Variants in CUX2 observed in about 807,000 individuals in gnomAD.
The protein encoded by CUX2 is cut like homeobox 2.
Under a neutral mutation model 144.8 loss-of-function variants are expected in CUX2, and 40 were observed. The ratio of observed to expected loss-of-function variants is 0.28; its 90% CI spans 0.21 to 0.36. The LOEUF is 0.36. Ranked by LOEUF, CUX2 falls within the 10% of genes least tolerant of loss-of-function variation. The probability of loss-of-function intolerance (pLI) is 1.00; values close to 1 mark genes in which losing one functional copy is unlikely to be tolerated. For synonymous variants in CUX2, 827 were observed against 875.6 expected, an observed-to-expected ratio of 0.94 and a Z score of 0.98; for missense variants, 1,615 against 1,994.0, an observed-to-expected ratio of 0.81 and a Z score of 3.62.
At chr12:111,100,175 C>T in intron 1 of CUX2, 1 of 413,724 alleles carries the variant, frequency 2.4e-6, no homozygotes, top group Non-Finnish European at 4.8e-6. Context: ...GAGCAGGAGC[C>T]TGTGACTGTG....
At chr12:111,152,477 G>T (rs1393295272) in intron 1 of CUX2, among the ~76,000 whole-genome samples, 3 of 152,086 alleles carry the variant, frequency 2.0e-5, no homozygotes, top group Non-Finnish European at 4.4e-5. Flanking sequence ...ACCACCATTG[G>T]CCTTGTGTTG....
At chr12:111,173,625 C>T (rs777742678) in intron 1 of CUX2, among the ~76,000 whole-genome samples, 4 of 152,122 alleles carry the variant, frequency 2.6e-5, no homozygotes, top group Non-Finnish European at 4.4e-5. Context: ...CAGGGGCTCA[C>T]GACAGCAGGA....
rs147459200 is a variant in CUX2 at position 111,326,752 on chromosome 12, A to T, written c.2926+4172A>T. 1.3e-3 allele frequency among the ~76,000 whole-genome samples: 204 copies of T among 152,064 alleles called. 2 individuals carry two copies. The highest frequency in any genetic ancestry group is 4.8e-3 in the African/African-American group (200 of 41,444). On this transcript the variant is annotated intron_variant, in intron 18 of 21. Coordinates refer to ENST00000261726, the MANE Select transcript of CUX2 (RefSeq NM_015267.4). The stretch of plus-strand genomic sequence containing the variant: ...AATCCCGTCTCTCCTAAAAGTACAA[A>T]AATTAGCCGGGTGTGGTAGCACGCA...
At position 111,192,883 on chromosome 12, in the gene CUX2, G is replaced by A. The variant is rs1879984994; in HGVS notation, c.64-21317G>A. ...CATCATCGTTCCTATGGCTAATAGC[G>A]TGTGTGTTTGTGTATCTTTGTGCTT... On this transcript the variant is annotated intron_variant, in intron 1 of 21. Transcript: ENST00000261726. Among the ~76,000 whole-genome samples the A allele has an allele frequency of 3.9e-5, 6 of 152,328 alleles. No individual in the cohort carries two copies. In the South Asian group the frequency reaches 1.0e-3, roughly 26 times the overall value.
At chr12:111,318,245 C>CTTT (rs541676829) in intron 16 of CUX2, among the ~76,000 whole-genome samples, 5 of 78,886 alleles carry the variant, frequency 6.3e-5, no homozygotes, top group African/African-American at 2.8e-4. Context: ...TTTCTTTTTT[C>CTTT]TTTTTTTTTT....
chr12:111,035,342 C>T lies in CUX2; in HGVS notation c.63+1102C>T, dbSNP rs571851202. The stretch of plus-strand genomic sequence containing the variant: ...TGCCTCCCCTAGATTTGGAGGTGTT[C>T]TCTGCGGACCCCGTAGGAGCCGGGG... On this transcript the variant is annotated intron_variant, in intron 1 of 21. Coordinates refer to ENST00000261726, the MANE Select transcript of CUX2 (RefSeq NM_015267.4). The surrounding 1 kb of genome is among the most constrained non-coding windows in gnomAD (Gnocchi z 6.0). 7.0e-4 allele frequency among the ~76,000 whole-genome samples: 107 copies of T among 152,282 alleles called. No homozygotes were observed. Among genetic ancestry groups the T allele is most frequent in the Non-Finnish European group, 1.1e-3 (76 of 68,030 alleles).
In CUX2 at chr12:111,034,978, C is replaced by G. The variant is rs1045119014; in HGVS notation, c.63+738C>G. Among the ~76,000 whole-genome samples the G allele has an allele frequency of 2.0e-5, 3 of 152,088 alleles. No homozygotes were observed. The highest frequency in any genetic ancestry group is 6.5e-5 in the Admixed American group (1 of 15,278). On this transcript the variant is annotated intron_variant, in intron 1 of 21. Coordinates refer to ENST00000261726, the MANE Select transcript of CUX2 (RefSeq NM_015267.4). The surrounding 1 kb of genome is among the most constrained non-coding windows in gnomAD (Gnocchi z 4.2). ...TTGCTTCTTGCCTTTACCCCCCCGC[C>G]CCTTCCATCCCCTTCCCAAGTCTAG...
intron 1 of CUX2, among the ~76,000 whole-genome samples, chr12:111,088,128 A>G (rs143625185): frequency 6.6e-6 from 1 of 152,316 alleles, no homozygotes; most frequent in Non-Finnish European, 1.5e-5. Context: ...TGGAGTGGGA[A>G]TGGGGTCAGG....
chr12:111,048,101 A>C (rs1870085144), intron 1 of CUX2, among the ~76,000 whole-genome samples: 1 of 152,208 alleles, frequency 6.6e-6, no homozygotes, highest in Admixed American at 6.5e-5. Flanking sequence ...GTTACTGCTC[A>C]CGCAGGCCCT....
intron 1 of CUX2, among the ~76,000 whole-genome samples, chr12:111,060,548 T>C (rs1247301397): frequency 6.6e-6 from 1 of 152,214 alleles, no homozygotes. Context: ...TTGACTCTTG[T>C]CACAAGCACA....
chr12:111,345,658 C>T (rs1378255008), intron 21 of CUX2, among the ~76,000 whole-genome samples: 2 of 148,472 alleles, frequency 1.3e-5, no homozygotes, highest in African/African-American at 5.0e-5. Flanking sequence ...AGGAGAATGG[C>T]GTAAACCCGG....
At chr12:111,189,594 TGTTAATGGGCATTTGG>T (rs1418502932) in intron 1 of CUX2, among the ~76,000 whole-genome samples, 3 of 152,252 alleles carry the variant, frequency 2.0e-5, no homozygotes, top group African/African-American at 7.2e-5. Context: ...TCCATTCTCC[TGTTAATGGGCATTTGG>T]GTTGTTTCCA....
At chr12:111,347,263 C>G (rs746757876) in intron 21 of CUX2, among the ~76,000 whole-genome samples, 1 of 152,172 alleles carries the variant, frequency 6.6e-6, no homozygotes, top group Non-Finnish European at 1.5e-5. Context: ...GTTCAAGTCT[C>G]GGTTCTGCCA....
chr12:111,198,795 A>G (rs1880397663), intron 1 of CUX2, among the ~76,000 whole-genome samples: 1 of 152,156 alleles, frequency 6.6e-6, no homozygotes, highest in Non-Finnish European at 1.5e-5. Flanking sequence ...AAATGCCCTG[A>G]GGTGAGAAAG....
At position 111,322,343 on chromosome 12, in the gene CUX2, A is replaced by AAAAG; in HGVS notation, c.2767-77_2767-76insAAGA. The AAAAG allele has an allele frequency of 8.2e-7, 1 of 1,218,192 alleles. No individual in the cohort carries two copies. 75.5% of individuals were successfully genotyped at this position (1,218,192 alleles called of 1,614,324 possible). On this transcript the variant is annotated intron_variant, in intron 17 of 21. Transcript: ENST00000261726. The surrounding 1 kb of genome is among the most constrained non-coding windows in gnomAD (Gnocchi z 4.2). ...CCTCAAAAAAAAAAAAAAAAAAAAA[A>AAAAG]AGGTTGGGGAGGAGAGTGAGGGCCA...
chr12:111,121,790 G>C (rs1874712771), intron 1 of CUX2, among the ~76,000 whole-genome samples: 1 of 151,906 alleles, frequency 6.6e-6, no homozygotes, highest in African/African-American at 2.4e-5. Context: ...TGCTTTCATG[G>C]GAGGTGTCAT....
intron 1 of CUX2, among the ~76,000 whole-genome samples, chr12:111,206,699 C>A (rs1880939058): frequency 6.6e-6 from 1 of 152,210 alleles, no homozygotes; most frequent in African/African-American, 2.4e-5. Context: ...GGTTAGATAA[C>A]TAACCCACCT....
chr12:111,310,606 C>T lies in CUX2; in HGVS notation c.1824C>T (p.Pro608=). Residue 608 remains proline (P), a synonymous_variant, in exon 15 of 22, where the codon CCC becomes CCT. Transcript: ENST00000261726. This position sits in a 1 kb window ranked among gnomAD's most constrained non-coding sequence, Gnocchi z 7.9. ...AGCTCACGGTGAAGGGCAAGGAGCC[C>T]TTCATCAAGATGAAGCAGTTCCTGT... ...WRKLTVKGKE[P]FIKMKQFLSD... 1 of 1,612,884 alleles carries T rather than the reference C, an allele frequency of 6.2e-7. No individual in the cohort carries two copies. The highest frequency in any genetic ancestry group is 8.5e-7 in the Non-Finnish European group (1 of 1,179,288).
At chr12:111,181,548 T>C (rs1332113528) in intron 1 of CUX2, among the ~76,000 whole-genome samples, 1 of 152,224 alleles carries the variant, frequency 6.6e-6, no homozygotes, top group Non-Finnish European at 1.5e-5. Flanking sequence ...TGATAAGGAA[T>C]GTATGAAAGG....
Sources: allele counts gnomAD v4.1 joint callset (sites outside exome capture counted in the v4.1 genomes callset), GRCh38; gene constraint gnomAD v4.1.1; non-coding constraint Gnocchi (gnomAD v3.1); transcripts MANE v1.5; gene names NCBI Gene and HGNC (gene_info 2026-07-23, HGNC 2026-07-21).